The following PROSER2 variants were observed in gnomAD, a reference collection of about 807,000 sequenced individuals.
The protein encoded by PROSER2 is proline and serine-rich protein 2.
Under a neutral mutation model 14.6 loss-of-function variants are expected in PROSER2, and 18 were observed. That is an observed-to-expected ratio of 1.23 (90% CI 0.85 to 1.83). The LOEUF (loss-of-function observed/expected upper bound fraction) is 1.83. Ranked by LOEUF, PROSER2 falls within the 40% of genes most tolerant of loss-of-function variation. The pLI is 0.00. For synonymous variants in PROSER2, 367 were observed against 286.4 expected (o/e 1.28, Z -2.84); for missense variants, 823 against 629.8 (o/e 1.31, Z -3.28).
intron 1 of PROSER2, among the ~76,000 whole-genome samples, chr10:11,834,232 A>T (rs1323524210): frequency 6.7e-6 from 1 of 150,128 alleles, no homozygotes; most frequent in Non-Finnish European, 1.5e-5. Context: ...TGACCTCGTG[A>T]CTTACCCACC....
chr10:11,833,551 T>A (rs1288502763), intron 1 of PROSER2, among the ~76,000 whole-genome samples: 4 of 151,522 alleles, frequency 2.6e-5, no homozygotes, highest in African/African-American at 9.7e-5. Context: ...ATTAGCTGGG[T>A]GTGGTGGCTG....
At chr10:11,867,318 AT>A (rs1758874560) in intron 3 of PROSER2, among the ~76,000 whole-genome samples, 1 of 150,014 alleles carries the variant, frequency 6.7e-6, no homozygotes, top group South Asian at 2.1e-4. Flanking sequence ...CAGAGTTTAC[AT>A]TTTTTTAAAT....
At chr10:11,827,211 T>A (rs1004383723) in intron 1 of PROSER2, among the ~76,000 whole-genome samples, 4 of 150,656 alleles carry the variant, frequency 2.7e-5, no homozygotes, top group African/African-American at 9.8e-5. Flanking sequence ...AAAAAAAAAA[T>A]TCCGGTCCTC....
chr10:11,828,965 G>T (rs764119179), intron 1 of PROSER2, among the ~76,000 whole-genome samples: 1 of 152,008 alleles, frequency 6.6e-6, no homozygotes, highest in African/African-American at 2.4e-5. Context: ...ATTTGAGCTG[G>T]GCCAACAAGG....
Position 11,869,965 on chromosome 10 carries a change from C to T in PROSER2, c.867C>T (p.Ile289=). Residue 289 remains isoleucine (I), a synonymous_variant, in exon 4 of 4, where the codon ATC becomes ATT. Transcript: ENST00000277570. The surrounding 1 kb of genome is among the most constrained non-coding windows in gnomAD (Gnocchi z 4.4). ...QERRAQVLAT[I]HGHAGAFPAA... is the part of the protein sequence containing the mutation. ...GCAGGGCGCAGGTGTTGGCCACCAT[C>T]CACGGCCACGCCGGCGCCTTCCCCG... The T allele has an allele frequency of 7.2e-7, 1 of 1,379,422 alleles. No homozygotes were observed. Among genetic ancestry groups the T allele is most frequent in the Non-Finnish European group, 9.3e-7 (1 of 1,070,054 alleles). 85.4% of individuals were successfully genotyped at this position (1,379,422 alleles called of 1,614,324 possible).
rs1834467461 is a variant in PROSER2 at position 11,870,599 on chromosome 10, G to A, written c.*193G>A. On this transcript the variant is annotated 3_prime_UTR_variant, in exon 4 of 4. Coordinates refer to ENST00000277570, the MANE Select transcript of PROSER2 (RefSeq NM_153256.4). Reference sequence around the variant, plus strand: ...GCACGCACCGCAAGCTCCAGCCACCGGCACAGAGAACTCTTCCCTAAAGGA... The same window carrying A: ...GCACGCACCGCAAGCTCCAGCCACCAGCACAGAGAACTCTTCCCTAAAGGA... 4.1e-6 allele frequency: 2 copies of A among 486,982 alleles called. No individual in the cohort carries two copies. The highest frequency in any genetic ancestry group is 7.9e-5 in the South Asian group (2 of 25,210). 30.2% of individuals were successfully genotyped at this position (486,982 alleles called of 1,614,324 possible).
chr10:11,859,258 C>T (rs1264663327), intron 2 of PROSER2, among the ~76,000 whole-genome samples: 1 of 151,792 alleles, frequency 6.6e-6, no homozygotes, highest in Admixed American at 6.6e-5. Flanking sequence ...CCCATCTCTG[C>T]TAAAAATACC....
chr10:11,848,157 GTTTT>G (rs1229851558), intron 1 of PROSER2, among the ~76,000 whole-genome samples: 1 of 151,396 alleles, frequency 6.6e-6, no homozygotes, highest in Non-Finnish European at 1.5e-5. Flanking sequence ...GTTTTGTTTT[GTTTT>G]TGTTTGTTTG....
At chr10:11,858,178 A>C (rs755179286) in intron 2 of PROSER2, among the ~76,000 whole-genome samples, 24 of 152,014 alleles carry the variant, frequency 1.6e-4, no homozygotes, top group Non-Finnish European at 3.2e-4. Context: ...GCCTCTAGTG[A>C]TTCGGCCTCT....
chr10:11,867,066 C>T (rs1244446966), intron 3 of PROSER2, among the ~76,000 whole-genome samples: 3 of 151,882 alleles, frequency 2.0e-5, no homozygotes, highest in Admixed American at 2.0e-4. Context: ...AGATTGAGAC[C>T]ATCCTGACTA....
At chr10:11,846,794 G>T (rs1042260253) in intron 1 of PROSER2, among the ~76,000 whole-genome samples, 1 of 152,108 alleles carries the variant, frequency 6.6e-6, no homozygotes, top group African/African-American at 2.4e-5. Context: ...GCTCTGTCAC[G>T]CAGGCCAGAG....
chr10:11,866,691 G>T lies in PROSER2; in HGVS notation c.299G>T (p.Ser100Ile). 1 of 1,614,108 alleles carries T rather than the reference G, an allele frequency of 6.2e-7. No individual in the cohort carries two copies. The highest frequency in any genetic ancestry group is 8.5e-7 in the Non-Finnish European group (1 of 1,180,034). ...CSPSLEESTS[S>I]PSEPEDVIDL... ...CCGTCTCTGGAGGAGAGCACCTCCAGTCCCTCCGAGCCTGAAGATGTCATC... is the reference window on the plus strand; with the variant it reads ...CCGTCTCTGGAGGAGAGCACCTCCATTCCCTCCGAGCCTGAAGATGTCATC... Residue 100 changes from serine (S) to isoleucine (I), a missense_variant, in exon 3 of 4, where the codon AGT becomes ATT. Transcript: ENST00000277570. The surrounding 1 kb of genome is among the most constrained non-coding windows in gnomAD (Gnocchi z 6.0).
At position 11,830,662 on chromosome 10, in the gene PROSER2, A is replaced by G. The variant is rs1376763689; in HGVS notation, c.-82+7192A>G. Among the ~76,000 whole-genome samples the G allele has an allele frequency of 2.0e-5, 3 of 152,186 alleles. No individual in the cohort carries two copies. The highest frequency in any genetic ancestry group is 4.4e-5 in the Non-Finnish European group (3 of 68,030). ...TTAAAGGTGTCCTGATTTCTCTGAG[A>G]GAGGTTGATAGCCATTCCTTGGACT... On this transcript the variant is annotated intron_variant, in intron 1 of 3. Transcript: ENST00000277570. This position sits in a 1 kb window ranked among gnomAD's most constrained non-coding sequence, Gnocchi z 4.5.
chr10:11,870,360 G>C lies in PROSER2; in HGVS notation c.1262G>C (p.Arg421Pro). Residue 421 changes from arginine to proline, a missense_variant, in exon 4 of 4, where the codon CGC (arginine) becomes CCC (proline). By Grantham distance (103) the Arg-to-Pro change is moderately radical. Coordinates refer to ENST00000277570, the MANE Select transcript of PROSER2 (RefSeq NM_153256.4). Reference protein sequence around the residue: ...FAGRGSSEEARREALRKLGLL... With the variant: ...FAGRGSSEEAPREALRKLGLL... ...GGCCGCGGCTCCTCGGAGGAGGCGC[G>C]CAGGGAGGCCCTGCGGAAGCTGGGG... The C allele has an allele frequency of 6.6e-7, 1 of 1,508,364 alleles. No individual in the cohort carries two copies. The highest frequency in any genetic ancestry group is 8.8e-7 in the Non-Finnish European group (1 of 1,130,462). 93.4% of individuals were successfully genotyped at this position (1,508,364 alleles called of 1,614,324 possible). A position where few individuals can be genotyped will look rare whatever the true frequency, so the allele number is the denominator to read the frequency against.
chr10:11,829,960 C>T (rs867372677), intron 1 of PROSER2, among the ~76,000 whole-genome samples: 2 of 150,258 alleles, frequency 1.3e-5, no homozygotes, highest in Non-Finnish European at 3.0e-5. Context: ...TCTCCCACCT[C>T]AGCCTCCGGA....
chr10:11,863,029 T>A (rs1249639375), intron 2 of PROSER2: 1 of 152,092 alleles, frequency 6.6e-6, no homozygotes, highest in Non-Finnish European at 1.5e-5. Flanking sequence ...TGTGCATAGG[T>A]TTATATCCAA....
rs1286801675 is a variant in PROSER2 at position 11,872,267 on chromosome 10, T to G, written c.*1861T>G. 6.6e-6 allele frequency: 1 copy of G among 152,022 alleles called. No individual in the cohort carries two copies. Among genetic ancestry groups the G allele is most frequent in the East Asian group, 1.9e-4 (1 of 5,194 alleles). The allele number at this position is 152,022 out of a possible 1,614,324, so 9.4% of individuals were successfully genotyped here. A position where few individuals can be genotyped will look rare whatever the true frequency, so the allele number is the denominator to read the frequency against. On this transcript the variant is annotated 3_prime_UTR_variant, in exon 4 of 4. Coordinates refer to ENST00000277570, the MANE Select transcript of PROSER2 (RefSeq NM_153256.4). ...CATTTTTGAAAAATAAATTTAAGAG[T>G]TTTTTCTTAAGTAAGCTTGTTTTTG...
rs1047850308 is a variant in PROSER2 at position 11,836,420 on chromosome 10, C to T, written c.-82+12950C>T. Among the ~76,000 whole-genome samples the T allele has an allele frequency of 6.6e-6, 1 of 152,140 alleles. No homozygotes were observed. The highest frequency in any genetic ancestry group is 2.4e-5 in the African/African-American group (1 of 41,414). ...CCATGTTAGCCAGGCTGGTCTCGAT[C>T]TCCTGACCTCAGGTGATCCTCCCAC... On this transcript the variant is annotated intron_variant, in intron 1 of 3. Transcript: ENST00000277570. This position sits in a 1 kb window ranked among gnomAD's most constrained non-coding sequence, Gnocchi z 4.6.
At chr10:11,826,383 G>A (rs1374809352) in intron 1 of PROSER2, among the ~76,000 whole-genome samples, 47 of 152,000 alleles carry the variant, frequency 3.1e-4, no homozygotes. Context: ...ATTCTTTTGG[G>A]TCCGTACCTG....
Sources: allele counts gnomAD v4.1 joint callset (sites outside exome capture counted in the v4.1 genomes callset), GRCh38; gene constraint gnomAD v4.1.1; non-coding constraint Gnocchi (gnomAD v3.1); transcripts MANE v1.5; gene names NCBI Gene and HGNC (gene_info 2026-07-23, HGNC 2026-07-21).